Variants in KLHL8 observed in about 807,000 individuals in gnomAD.
KLHL8 encodes the protein kelch like family member 8.
KLHL8 carries 38 observed loss-of-function variants against 63.5 expected under a neutral mutation model. That is an observed-to-expected ratio of 0.60 (90% confidence interval 0.46 to 0.78). KLHL8 has a LOEUF of 0.78. Among genes scored for constraint, KLHL8 ranks in the 30% least tolerant of loss-of-function variants. The pLI is 0.00. For synonymous variants in KLHL8, 224 were observed against 254.3 expected (o/e 0.88, Z 1.13); for missense variants, 566 against 752.4 (o/e 0.75, Z 2.90).
chr4:87,214,939 C>CAA (rs1732542459), intron 1 of KLHL8, among the ~76,000 whole-genome samples: 1 of 152,078 alleles, frequency 6.6e-6, no homozygotes, highest in South Asian at 2.1e-4. Context: ...GCTGGGATTA[C>CAA]AACTGTGCAC....
chr4:87,183,350 C>G lies in KLHL8; in HGVS notation c.805G>C (p.Val269Leu). 1 of 1,612,192 alleles carries G rather than the reference C, an allele frequency of 6.2e-7. No homozygotes were observed. The highest frequency in any genetic ancestry group is 8.5e-7 in the Non-Finnish European group (1 of 1,178,700). Residue 269 changes from valine (V) to leucine (L), a missense_variant, in exon 4 of 10, where the codon GTT becomes CTT. Transcript: ENST00000273963. ...TTGACAATCTGTTCTTTTGCCACAA[C>G]ACCCATAAGAAAATCAACCGGCAAC... ...PLLPVDFLMG[V>L]VAKEQIVKQN...
At chr4:87,175,122 A>T (rs1730774344) in intron 6 of KLHL8, among the ~76,000 whole-genome samples, 1 of 152,190 alleles carries the variant, frequency 6.6e-6, no homozygotes, top group South Asian at 2.1e-4. Context: ...TTATTTTCAA[A>T]TTATAAACAT....
chr4:87,164,230 C>T (rs1730287879), intron 8 of KLHL8, 151 bp from the exon 9 acceptor site: 7 of 649,542 alleles, frequency 1.1e-5, no homozygotes, highest in Admixed American at 2.9e-5. Context: ...CAATACCTGT[C>T]TACCACCACC....
intron 2 of KLHL8, among the ~76,000 whole-genome samples, chr4:87,187,496 C>T (rs1455343018): frequency 1.3e-5 from 2 of 150,090 alleles, no homozygotes; most frequent in African/African-American, 4.9e-5. Flanking sequence ...AAGTACTCAT[C>T]ATATAATCAG....
chr4:87,213,191 G>C (rs1057480157), intron 1 of KLHL8, among the ~76,000 whole-genome samples: 1 of 152,128 alleles, frequency 6.6e-6, no homozygotes, highest in Admixed American at 6.5e-5. Context: ...TGGTCTAAAA[G>C]TCTAGTATAA....
rs140671108 is a variant in KLHL8, at chr4:87,174,007, G to A, written c.1208+2750C>T. ...TTAACACAAGAAGCAAAAACCAGTT[G>A]AAAATATTATTAATCAAAAATAGAA... On this transcript the variant is annotated intron_variant, in intron 6 of 9. Coordinates refer to ENST00000273963, the MANE Select transcript of KLHL8 (RefSeq NM_020803.5). 2.4e-3 allele frequency among the ~76,000 whole-genome samples: 371 copies of A among 151,480 alleles called. 1 individual carries two copies. Among genetic ancestry groups the A allele is most frequent in the African/African-American group, 8.6e-3 (355 of 41,272 alleles).
chr4:87,208,369 CTT>C (rs1011114394), intron 1 of KLHL8, among the ~76,000 whole-genome samples: 47 of 142,112 alleles, frequency 3.3e-4, no homozygotes, highest in Admixed American at 4.9e-4. Flanking sequence ...TTCTTTTTTT[CTT>C]TTTTTTTTTT....
At chr4:87,213,480 G>A (rs1732483777) in intron 1 of KLHL8, among the ~76,000 whole-genome samples, 1 of 152,156 alleles carries the variant, frequency 6.6e-6, no homozygotes, top group East Asian at 1.9e-4. Context: ...TCCAGGCACG[G>A]TCCCTCTGAA....
intron 2 of KLHL8, among the ~76,000 whole-genome samples, chr4:87,186,070 G>A (rs969515141): frequency 6.6e-6 from 1 of 151,418 alleles, no homozygotes; most frequent in Non-Finnish European, 1.5e-5. Context: ...ACAAGGCCTT[G>A]CTCTGTTGCC....
chr4:87,227,690 A>G (rs1018712956), intron 1 of KLHL8, among the ~76,000 whole-genome samples: 11 of 152,164 alleles, frequency 7.2e-5, no homozygotes, highest in Non-Finnish European at 8.8e-5. Flanking sequence ...AGTCATGTAT[A>G]GGATGCTGGA....
upstream of KLHL8, among the ~76,000 whole-genome samples, chr4:87,222,119 C>G (rs1732881217): frequency 6.6e-6 from 1 of 152,146 alleles, no homozygotes; most frequent in Admixed American, 6.5e-5. Context: ...TGCCTAGAAA[C>G]TAGACCTGCC....
chr4:87,239,807 C>T (rs1302127805), intron 1 of KLHL8, among the ~76,000 whole-genome samples: 1 of 152,148 alleles, frequency 6.6e-6, no homozygotes, highest in African/African-American at 2.4e-5. Context: ...TTATTATTTA[C>T]AGTAATTCTA....
chr4:87,185,277 T>C lies in KLHL8; in HGVS notation c.739A>G (p.Lys247Glu), dbSNP rs1731205573. The C allele has an allele frequency of 6.2e-7, 1 of 1,613,270 alleles. No individual in the cohort carries two copies. The highest frequency in any genetic ancestry group is 1.3e-5 in the African/African-American group (1 of 74,908). The change falls in exon 3 of 10, where the codon AAA becomes GAA. Residue 247 changes from lysine to glutamate, a missense_variant. Physicochemically the swap from Lys to Glu is moderately conservative, Grantham distance 56 (BLOSUM62 1). Transcript: ENST00000273963. Reference sequence around the variant, plus strand: ...TGTGCAAGTGTTTCATCCAACCATTTGGAATGATGCTGAGGATTGGCAAGA... The same window carrying C: ...TGTGCAAGTGTTTCATCCAACCATTCGGAATGATGCTGAGGATTGGCAAGA... ...WLLANPQHHS[K>E]WLDETLAQVR...
Position 87,190,568 on chromosome 4 carries a change from C to T in KLHL8, c.216+4756G>A, listed in dbSNP as rs1427849678. Among the ~76,000 whole-genome samples the T allele has an allele frequency of 2.0e-5, 3 of 151,486 alleles. No homozygotes were observed. In the East Asian group the frequency reaches 5.8e-4, roughly 29 times the overall value. ...CTGACGTGGAAGAATCGCTTGAACC[C>T]GGGAGGCAGAGGTTGCAGTGAGCCA... On this transcript the variant is annotated intron_variant, in intron 2 of 9. Coordinates refer to ENST00000273963, the MANE Select transcript of KLHL8 (RefSeq NM_020803.5).
chr4:87,178,698 A>C, intron 4 of KLHL8, 78 bp from the exon 5 acceptor site: 1 of 1,395,664 alleles, frequency 7.2e-7, no homozygotes. Flanking sequence ...ACTTTGGATA[A>C]AAGCAAAAAG....
At chr4:87,200,138 C>CAAAA (rs61605160) in intron 1 of KLHL8, among the ~76,000 whole-genome samples, 7 of 73,700 alleles carry the variant, frequency 9.5e-5, no homozygotes, top group Non-Finnish European at 1.5e-4. Flanking sequence ...GAGACTGCCT[C>CAAAA]AAAAAAAAAA....
chr4:87,207,828 T>C (rs1390594262), intron 1 of KLHL8: 4 of 1,296,850 alleles, frequency 3.1e-6, no homozygotes, highest in African/African-American at 2.9e-5. Flanking sequence ...TGACCTGCCA[T>C]CTGGAAAAAC....
chr4:87,198,796 T>C (rs1187551183), intron 1 of KLHL8, among the ~76,000 whole-genome samples: 1 of 152,192 alleles, frequency 6.6e-6, no homozygotes, highest in Non-Finnish European at 1.5e-5. Context: ...AATGAATGCA[T>C]GTAAAACAGG....
chr4:87,224,947 T>C (rs549771191), upstream of KLHL8, among the ~76,000 whole-genome samples: 97 of 152,126 alleles, frequency 6.4e-4, 2 homozygotes, highest in South Asian at 0.016. Context: ...GGGTGGAGTT[T>C]GGTGGGGTGC....
Sources: gnomAD v4.1 joint callset for allele counts (sites outside exome capture counted in the v4.1 genomes callset) on GRCh38, gnomAD v4.1.1 for gene constraint, MANE v1.5 for transcripts, NCBI Gene and HGNC (gene_info 2026-07-23, HGNC 2026-07-21) for gene names.